TNFAIP3: variants seen among roughly 807,000 people sequenced by gnomAD.
TNFAIP3 encodes the protein TNF alpha induced protein 3.
A neutral mutation model predicts 72.4 loss-of-function variants in TNFAIP3; 9 were observed. That is an observed-to-expected ratio of 0.12 (90% CI 0.07 to 0.22). TNFAIP3 has a LOEUF of 0.22. Ranked by LOEUF, TNFAIP3 falls within the 10% of genes least tolerant of loss-of-function variation. TNFAIP3 has a pLI of 1.00. For missense variants in TNFAIP3, 833 were observed against 1,018.7 expected, an observed-to-expected ratio of 0.82 and a Z score of 2.48; for synonymous variants, 339 against 372.6, an observed-to-expected ratio of 0.91 and a Z score of 1.04.
rs1006535674 is a variant in TNFAIP3, at chr6:137,880,079, G to A, written c.1915G>A (p.Ala639Thr). 6.2e-7 allele frequency: 1 copy of A among 1,614,060 alleles called. No individual in the cohort carries two copies. The highest frequency in any genetic ancestry group is 8.5e-7 in the Non-Finnish European group (1 of 1,179,974). Residue 639 changes from alanine (A) to threonine (T), a missense_variant, in exon 8 of 9, where the codon GCT becomes ACT. By Grantham distance (58) the Ala-to-Thr change is moderately conservative. Around this residue, in one of 2 missense-constraint regions of TNFAIP3, gnomAD observed 587 missense variants for 657.8 expected, o/e 0.89. Transcript: ENST00000612899. ...IEYRENKHFAAASGKVSPTAS... is the reference protein window; with the variant it reads ...IEYRENKHFATASGKVSPTAS... ...CATCCATTCTCATGTAGATTTTGCT[G>A]CTGCCTCAGGGAAAGTCAGTCCCAC... is the stretch of plus-strand genomic sequence containing the variant.
In TNFAIP3 at chr6:137,879,121, G is replaced by T; in HGVS notation, c.1676G>T (p.Cys559Phe). 1 of 1,614,110 alleles carries T rather than the reference G, an allele frequency of 6.2e-7. No homozygotes were observed. The highest frequency in any genetic ancestry group is 1.1e-5 in the South Asian group (1 of 91,080). Reference sequence around the variant, plus strand: ...CTCAGCACCAGCCTCCCTCCTTCCTGTCACCAGCGTTCCAAGTCAGATCCC... The same window carrying T: ...CTCAGCACCAGCCTCCCTCCTTCCTTTCACCAGCGTTCCAAGTCAGATCCC... ...SSLSTSLPPS[C>F]HQRSKSDPSR... Residue 559 changes from cysteine (C) to phenylalanine (F), a missense_variant, in exon 7 of 9, where the codon TGT becomes TTT. This residue lies in a region of TNFAIP3 where 587 missense variants were observed against 657.8 expected (regional missense o/e 0.89). Transcript: ENST00000612899.
In TNFAIP3 at chr6:137,875,980, C is replaced by A. The variant is rs1408259030; in HGVS notation, c.635-16C>A. On this transcript the variant is annotated splice_polypyrimidine_tract_variant and intron_variant, in intron 4 of 8. Coordinates refer to ENST00000612899, the MANE Select transcript of TNFAIP3 (RefSeq NM_001270508.2). The stretch of plus-strand genomic sequence containing the variant: ...TCACCTAAGGGCCTCATTTTCCTTT[C>A]TCTTTCTTTGAACAGACAAAATGCT... 6.2e-7 allele frequency: 1 copy of A among 1,608,198 alleles called. No individual in the cohort carries two copies. Among genetic ancestry groups the A allele is most frequent in the Admixed American group, 1.7e-5 (1 of 58,992 alleles).
Position 137,871,187 on chromosome 6 carries a change from C to CTT in TNFAIP3, c.-15-16_-15-15dup. ...TATTAAAGTCAGGCTAATAGAATGG[C>CTT]TTTTTTTTTTTCCTTTCCTTTTCAG... is the stretch of plus-strand genomic sequence containing the variant. On this transcript the variant is annotated intron_variant, in intron 1 of 8. Transcript: ENST00000612899. The surrounding 1 kb of genome is among the most constrained non-coding windows in gnomAD (Gnocchi z 4.2). 4.3e-6 allele frequency: 5 copies of CTT among 1,163,756 alleles called. No individual in the cohort carries two copies. Among genetic ancestry groups the CTT allele is most frequent in the Non-Finnish European group, 4.7e-6 (4 of 849,042 alleles). 72.1% of individuals were successfully genotyped at this position (1,163,756 alleles called of 1,614,324 possible). A position where few individuals can be genotyped will look rare whatever the true frequency, so the allele number is the denominator to read the frequency against.
chr6:137,874,655 G>T (rs1776174836), intron 2 of TNFAIP3, among the ~76,000 whole-genome samples, 190 bp from the exon 3 acceptor site: 1 of 152,154 alleles, frequency 6.6e-6, no homozygotes. Flanking sequence ...AGAATAAAAA[G>T]AACTCTTTTT....
chr6:137,881,272 A>G lies in TNFAIP3; in HGVS notation c.2326A>G (p.Asn776Asp), dbSNP rs1402112172. The G allele has an allele frequency of 6.3e-7, 1 of 1,584,450 alleles. No individual in the cohort carries two copies. Among genetic ancestry groups the G allele is most frequent in the East Asian group, 2.3e-5 (1 of 44,382 alleles). The stretch of plus-strand genomic sequence containing the variant: ...TGATCATTTTGGCAATGCCAAGTGC[A>G]ACGGCTACTGCAACGAATGCTTTCA... ...ACDHFGNAKC[N>D]GYCNECFQFK... Residue 776 changes from asparagine (N) to aspartate (D), a missense_variant, in exon 9 of 9, where the codon AAC (asparagine) becomes GAC (aspartate). Around this residue, in one of 2 missense-constraint regions of TNFAIP3, gnomAD observed 587 missense variants for 657.8 expected, o/e 0.89. Coordinates refer to ENST00000612899, the MANE Select transcript of TNFAIP3 (RefSeq NM_001270508.2). The surrounding 1 kb of genome is among the most constrained non-coding windows in gnomAD (Gnocchi z 5.0).
chr6:137,881,419 G>T lies in TNFAIP3; in HGVS notation c.*100G>T, dbSNP rs1776460513. The T allele has an allele frequency of 1.8e-6, 2 of 1,090,340 alleles. No homozygotes were observed. 67.5% of individuals were successfully genotyped at this position (1,090,340 alleles called of 1,614,324 possible). On this transcript the variant is annotated 3_prime_UTR_variant, in exon 9 of 9. Coordinates refer to ENST00000612899, the MANE Select transcript of TNFAIP3 (RefSeq NM_001270508.2). The surrounding 1 kb of genome is among the most constrained non-coding windows in gnomAD (Gnocchi z 5.0). ...CCCCTCAGCTGCCACTGCAACAGTG[G>T]GCTTAAGGGTGTCTGAGCAGGAGAG...
rs1326313231 is a variant in TNFAIP3 at position 137,871,930 on chromosome 6, T to A, written c.295+408T>A. On this transcript the variant is annotated intron_variant, in intron 2 of 8. Coordinates refer to ENST00000612899, the MANE Select transcript of TNFAIP3 (RefSeq NM_001270508.2). This position sits in a 1 kb window ranked among gnomAD's most constrained non-coding sequence, Gnocchi z 4.2. ...CTGGTAGTACATTTGTTTCCCACTG[T>A]CATTAGAAAATGCTTGTGATGTTCT... Among the ~76,000 whole-genome samples, 2 of 152,236 alleles carry A rather than the reference T, an allele frequency of 1.3e-5. No homozygotes were observed. The highest frequency in any genetic ancestry group is 2.9e-5 in the Non-Finnish European group (2 of 68,042).
rs587778714 is a variant in TNFAIP3, at chr6:137,878,809, G to C, written c.1364G>C (p.Gly455Ala). The change falls in exon 7 of 9, where the codon GGG (glycine) becomes GCG (alanine). Residue 455 changes from glycine (G) to alanine (A), a missense_variant. This residue lies in a region of TNFAIP3 where 587 missense variants were observed against 657.8 expected (regional missense o/e 0.89). Transcript: ENST00000612899. ...GCGTGGAACCCTGAGGAGTCCACTG[G>C]GGGGCCTCATTCGGCCCCACCGACA... The part of the protein sequence containing the change: ...PLAWNPEEST[G>A]GPHSAPPTAP... 1.1e-5 allele frequency: 17 copies of C among 1,614,064 alleles called. No individual in the cohort carries two copies. Among genetic ancestry groups the C allele is most frequent in the Non-Finnish European group, 1.4e-5 (17 of 1,180,028 alleles).
At position 137,880,111 on chromosome 6, in the gene TNFAIP3, C is replaced by T. The variant is rs758623905; in HGVS notation, c.1947C>T (p.Ser649=). 1 of 1,614,174 alleles carries T rather than the reference C, an allele frequency of 6.2e-7. No homozygotes were observed. Among genetic ancestry groups the T allele is most frequent in the South Asian group, 1.1e-5 (1 of 91,086 alleles). The stretch of plus-strand genomic sequence containing the variant: ...CAGGGAAAGTCAGTCCCACAGCGTC[C>T]AGGTTCCAGAACACCATTCCGTGCC... ...AASGKVSPTA[S]RFQNTIPCLG... is the part of the protein sequence containing the mutation. The change falls in exon 8 of 9, where the codon TCC becomes TCT. Residue 649 remains serine (S), a synonymous_variant. Transcript: ENST00000612899.
intron 1 of TNFAIP3, among the ~76,000 whole-genome samples, chr6:137,869,325 GGATGGATGGATA>G (rs1404789207): frequency 1.3e-5 from 2 of 149,500 alleles, no homozygotes; most frequent in Non-Finnish European, 3.0e-5. Context: ...GTGGATGGGT[GGATGGATGGATA>G]GATGGATGGA....
rs762827280 is a variant in TNFAIP3 at position 137,881,361 on chromosome 6, G to C, written c.*42G>C. The stretch of plus-strand genomic sequence containing the variant: ...CACCTCCTGCAAGAAGTGGGGCCTC[G>C]AGCTGTCAGTCATCATGGTGCTATC... On this transcript the variant is annotated 3_prime_UTR_variant, in exon 9 of 9. Transcript: ENST00000612899. The surrounding 1 kb of genome is among the most constrained non-coding windows in gnomAD (Gnocchi z 5.0). 1 of 1,509,310 alleles carries C rather than the reference G, an allele frequency of 6.6e-7. No homozygotes were observed. Among genetic ancestry groups the C allele is most frequent in the African/African-American group, 1.4e-5 (1 of 71,692 alleles). 93.5% of individuals were successfully genotyped at this position (1,509,310 alleles called of 1,614,324 possible).
In TNFAIP3 at chr6:137,871,368, A is replaced by C. The variant is rs774689592; in HGVS notation, c.141A>C (p.Thr47=). ...ATTTTAAAACCATGCACCGATACAC[A>C]CTGGAAATGTTCAGAACTTGCCAGT... The part of the protein sequence containing the change: ...IHHFKTMHRY[T]LEMFRTCQFC... The change falls in exon 2 of 9, where the codon ACA becomes ACC. Residue 47 remains threonine, a synonymous_variant. Transcript: ENST00000612899. The surrounding 1 kb of genome is among the most constrained non-coding windows in gnomAD (Gnocchi z 4.2). 25 of 1,614,072 alleles carry C rather than the reference A, an allele frequency of 1.5e-5. No individual in the cohort carries two copies. Among genetic ancestry groups the C allele is most frequent in the Non-Finnish European group, 2.1e-5 (25 of 1,180,040 alleles).
rs1477382466 is a variant in TNFAIP3 at position 137,875,574 on chromosome 6, G to GA, written c.487-108dup. On this transcript the variant is annotated intron_variant, in intron 3 of 8. Transcript: ENST00000612899. ...TTTGAATGATGGTTTCATGAAAGGG[G>GA]AAAAAATAAGCTGAGTTATATAAAT... is the stretch of plus-strand genomic sequence containing the variant. 4 of 1,306,984 alleles carry GA rather than the reference G, an allele frequency of 3.1e-6. No homozygotes were observed. In the Admixed American group the frequency reaches 7.8e-5, roughly 26 times the overall value. The allele number at this position is 1,306,984 out of a possible 1,614,324, so 81.0% of individuals were successfully genotyped here. A position where few individuals can be genotyped will look rare whatever the true frequency, so the allele number is the denominator to read the frequency against.
At position 137,882,475 on chromosome 6, in the gene TNFAIP3, G is replaced by A. The variant is rs1473132802; in HGVS notation, c.*1156G>A. ...TGGCCTCTTTGATACACTTTTGCTT[G>A]CCTCCCCAGGAAAGAAGGAATTGCA... On this transcript the variant is annotated 3_prime_UTR_variant, in exon 9 of 9. Transcript: ENST00000612899. 1.3e-5 allele frequency: 3 copies of A among 232,710 alleles called. No individual in the cohort carries two copies. Among genetic ancestry groups the A allele is most frequent in the Non-Finnish European group, 2.5e-5 (3 of 117,730 alleles). 14.4% of individuals were successfully genotyped at this position (232,710 alleles called of 1,614,324 possible). A position where few individuals can be genotyped will look rare whatever the true frequency, so the allele number is the denominator to read the frequency against.
chr6:137,868,812 G>C (rs1356267057), intron 1 of TNFAIP3, among the ~76,000 whole-genome samples: 1 of 152,198 alleles, frequency 6.6e-6, no homozygotes, highest in African/African-American at 2.4e-5. Context: ...AATCTGGGCA[G>C]TGGGTTTTGA....
intron 2 of TNFAIP3, among the ~76,000 whole-genome samples, chr6:137,873,399 C>T (rs796719354): frequency 3.9e-5 from 6 of 152,292 alleles, no homozygotes; most frequent in African/African-American, 1.4e-4. Context: ...CGTCTATTGG[C>T]TGCAGCGATT....
rs749489927 is a variant in TNFAIP3 at position 137,879,294 on chromosome 6, A to G, written c.1849A>G (p.Thr617Ala). 20 of 1,613,964 alleles carry G rather than the reference A, an allele frequency of 1.2e-5. No individual in the cohort carries two copies. Among genetic ancestry groups the G allele is most frequent in the South Asian group, 2.2e-5 (2 of 91,088 alleles). ...AAAAGCCGGCTGCGTGTATTTTGGG[A>G]CTCCAGAAAACAAGGGCTTTTGCAC... Reference protein sequence around the residue: ...CRKAGCVYFGTPENKGFCTLC... With the variant: ...CRKAGCVYFGAPENKGFCTLC... Residue 617 changes from threonine to alanine, a missense_variant, in exon 7 of 9, where the codon ACT (threonine) becomes GCT (alanine). Transcript: ENST00000612899.
Position 137,879,142 on chromosome 6 carries a change from A to T in TNFAIP3, c.1697A>T (p.Asp566Val). The T allele has an allele frequency of 6.2e-7, 1 of 1,614,062 alleles. No homozygotes were observed. Among genetic ancestry groups the T allele is most frequent in the Non-Finnish European group, 8.5e-7 (1 of 1,180,014 alleles). Residue 566 changes from aspartate to valine, a missense_variant, in exon 7 of 9, where the codon GAT becomes GTT. Physicochemically the swap from Asp to Val is radical, Grantham distance 152. Around this residue, in one of 2 missense-constraint regions of TNFAIP3, gnomAD observed 587 missense variants for 657.8 expected, o/e 0.89. Transcript: ENST00000612899. Reference protein sequence around the residue: ...PPSCHQRSKSDPSRLVRSPSP... With the variant: ...PPSCHQRSKSVPSRLVRSPSP... ...TCCTGTCACCAGCGTTCCAAGTCAG[A>T]TCCCTCGCGGCTCGTCCGGAGCCCC...
chr6:137,880,038 A>C, intron 7 of TNFAIP3, 33 bp from the exon 8 acceptor site: 3 of 1,608,026 alleles, frequency 1.9e-6, no homozygotes, highest in South Asian at 1.1e-5. Flanking sequence ...GGTGACCCCT[A>C]TGTGGTACTA....
Sources: allele counts gnomAD v4.1 joint callset (sites outside exome capture counted in the v4.1 genomes callset), GRCh38; gene constraint gnomAD v4.1.1; regional missense constraint gnomAD v4.1.1; non-coding constraint Gnocchi (gnomAD v3.1); transcripts MANE v1.5; gene names NCBI Gene and HGNC (gene_info 2026-07-23, HGNC 2026-07-21).